The following ENPP3 variants were observed in gnomAD, a reference collection of about 807,000 sequenced individuals.
ENPP3 encodes ectonucleotide pyrophosphatase/phosphodiesterase 3.
In ENPP3, 104 loss-of-function variants were observed where a neutral mutation model predicts 117.8. That is an observed-to-expected ratio of 0.88 (90% CI 0.75 to 1.04). ENPP3 has a LOEUF of 1.04. ENPP3 is among the 50% of genes least tolerant of loss of function. ENPP3 has a pLI of 0.00. For synonymous variants in ENPP3, 380 were observed against 349.9 expected (o/e 1.09, Z -0.96); for missense variants, 1,026 against 1,051.9 (o/e 0.98, Z 0.34).
At position 131,652,900 on chromosome 6, in the gene ENPP3, G is replaced by A; in HGVS notation, c.464+9G>A. ...TCTCAGTGCCCAGAAGGGTGAGCAT[G>A]ACTGATACAGGGATTTTTATCCTCC... On this transcript the variant is annotated intron_variant, in intron 5 of 24. Coordinates refer to ENST00000357639, the MANE Select transcript of ENPP3 (RefSeq NM_005021.5). The A allele has an allele frequency of 6.3e-7, 1 of 1,593,710 alleles. No homozygotes were observed. Among genetic ancestry groups the A allele is most frequent in the Non-Finnish European group, 8.6e-7 (1 of 1,161,984 alleles).
chr6:131,652,540 A>T lies in ENPP3; in HGVS notation c.278-2A>T. 3.1e-6 allele frequency: 5 copies of T among 1,613,998 alleles called. No individual in the cohort carries two copies. Among genetic ancestry groups the T allele is most frequent in the Non-Finnish European group, 2.5e-6 (3 of 1,179,866 alleles). On this transcript the variant is annotated splice_acceptor_variant, in intron 3 of 24. Transcript: ENST00000357639. LOFTEE classifies it high-confidence loss of function. The stretch of plus-strand genomic sequence containing the variant: ...TCAGAACTGAATTGTATCGTTTTAC[A>T]GCTCGAATATGGATGTGCAATAAAT...
At chr6:131,716,743 T>C (rs80104345) in intron 15 of ENPP3, among the ~76,000 whole-genome samples, 2 of 39,622 alleles carry the variant, frequency 5.0e-5, no homozygotes, top group African/African-American at 2.7e-4. Context: ...CTGAGATGGG[T>C]GGAACACTTG....
At chr6:131,641,603 A>G (rs1280847955) in intron 2 of ENPP3, 73 bp downstream of exon 2, 4 of 951,092 alleles carry the variant, frequency 4.2e-6, no homozygotes, top group Middle Eastern at 2.1e-4. Context: ...ATTAAAATGT[A>G]TCTCCCATCC....
intron 6 of ENPP3, among the ~76,000 whole-genome samples, chr6:131,662,354 C>G (rs1778521422): frequency 6.6e-6 from 1 of 152,172 alleles, no homozygotes; most frequent in South Asian, 2.1e-4. Context: ...AAGCAATCCC[C>G]TCAGCCTCCT....
intron 19 of ENPP3, among the ~76,000 whole-genome samples, chr6:131,724,438 G>A (rs563120232): frequency 6.6e-6 from 1 of 152,198 alleles, no homozygotes; most frequent in East Asian, 1.9e-4. Flanking sequence ...AAATCACTTA[G>A]CCTCCCTGTG....
At chr6:131,668,584 C>T (rs1778672844) in intron 6 of ENPP3, among the ~76,000 whole-genome samples, 1 of 152,144 alleles carries the variant, frequency 6.6e-6, no homozygotes, top group Non-Finnish European at 1.5e-5. Context: ...TTTGCTGCTT[C>T]TTATAGTTCC....
At chr6:131,714,019 A>G (rs2114508352) in intron 15 of ENPP3, among the ~76,000 whole-genome samples, 1 of 149,528 alleles carries the variant, frequency 6.7e-6, no homozygotes, top group South Asian at 2.2e-4. Context: ...CCATGCTTAG[A>G]ACACTAACAT....
At chr6:131,744,408 T>C (rs929369972) in intron 24 of ENPP3, among the ~76,000 whole-genome samples, 1 of 152,186 alleles carries the variant, frequency 6.6e-6, no homozygotes. Flanking sequence ...GATTAAATCA[T>C]TGGTGTGAAA....
chr6:131,738,131 T>C lies in ENPP3; in HGVS notation c.2268T>C (p.Asp756=), dbSNP rs139233673. The C allele has an allele frequency of 3.1e-4, 498 of 1,611,300 alleles. 1 individual carries two copies. The African/African-American group carries it at 6.0e-3, about 19-fold the overall frequency. The change falls in exon 23 of 25, where the codon GAT becomes GAC. Residue 756 remains aspartate (D), a synonymous_variant. Coordinates refer to ENST00000357639, the MANE Select transcript of ENPP3 (RefSeq NM_005021.5). The part of the protein sequence containing the change: ...VSGPIFDYNY[D]GHFDAPDEIT... ...GACCAATATTTGATTATAATTATGA[T>C]GGCCATTTTGATGCTCCAGATGAAA...
rs1184338410 is a variant in ENPP3 at position 131,733,583 on chromosome 6, A to G, written c.1954-5A>G. The G allele has an allele frequency of 5.6e-6, 9 of 1,609,762 alleles. No individual in the cohort carries two copies. Among genetic ancestry groups the G allele is most frequent in the Non-Finnish European group, 7.6e-6 (9 of 1,176,988 alleles). ...CGTAATTTTTTTCTCTCTCTCTTTG[A>G]ACAGGGAGACACATCGCCTCTGCCT... On this transcript the variant is annotated splice_region_variant and splice_polypyrimidine_tract_variant and intron_variant, in intron 20 of 24. Coordinates refer to ENST00000357639, the MANE Select transcript of ENPP3 (RefSeq NM_005021.5).
chr6:131,737,956 A>T, intron 22 of ENPP3, 75 bp from the exon 23 acceptor site: 1 of 1,022,572 alleles, frequency 9.8e-7, no homozygotes, highest in Non-Finnish European at 1.4e-6. Context: ...ATTTAAATGT[A>T]CTTGTCTATA....
intron 19 of ENPP3, 23 bp from the exon 20 acceptor site, chr6:131,726,022 TA>T (rs773626678): frequency 6.4e-7 from 1 of 1,573,106 alleles, no homozygotes; most frequent in East Asian, 2.2e-5. Flanking sequence ...TGAACCTTTT[TA>T]TTTTATGTTA....
At chr6:131,720,760 T>C (rs954074312) in intron 17 of ENPP3, among the ~76,000 whole-genome samples, 1 of 152,036 alleles carries the variant, frequency 6.6e-6, no homozygotes, top group Non-Finnish European at 1.5e-5. Context: ...TTTTTTTGTA[T>C]TTTTTGTAGA....
intron 6 of ENPP3, among the ~76,000 whole-genome samples, chr6:131,659,328 A>T (rs949309282): frequency 6.6e-6 from 1 of 152,138 alleles, no homozygotes; most frequent in Non-Finnish European, 1.5e-5. Flanking sequence ...ACCCAAGGAT[A>T]CAATGCTAAG....
chr6:131,703,837 T>C (rs1398190141), intron 15 of ENPP3, among the ~76,000 whole-genome samples: 2 of 150,584 alleles, frequency 1.3e-5, no homozygotes, highest in African/African-American at 2.5e-5. Context: ...CTTCCAATTA[T>C]CATGAGAGCT....
At chr6:131,710,685 A>T (rs201559164) in intron 15 of ENPP3, 2 of 1,611,520 alleles carry the variant, frequency 1.2e-6, no homozygotes, top group Non-Finnish European at 1.7e-6. Flanking sequence ...CATCCTCTAA[A>T]GATGACTCTA....
intron 14 of ENPP3, among the ~76,000 whole-genome samples, chr6:131,690,008 A>T (rs1227936963): frequency 6.6e-6 from 1 of 152,224 alleles, no homozygotes; most frequent in Non-Finnish European, 1.5e-5. Flanking sequence ...CTGCAATCTC[A>T]TGAGAAAACT....
intron 19 of ENPP3, among the ~76,000 whole-genome samples, chr6:131,725,659 T>A (rs1780139920): frequency 6.6e-6 from 1 of 152,192 alleles, no homozygotes; most frequent in South Asian, 2.1e-4. Context: ...CTAGACTAGG[T>A]CATCTTTGTT....
chr6:131,722,175 G>A (rs1005598777), intron 17 of ENPP3, 52 bp from the exon 18 acceptor site: 1 of 1,313,628 alleles, frequency 7.6e-7, no homozygotes, highest in African/African-American at 1.5e-5. Flanking sequence ...CCACAGAGGA[G>A]TTGTTGCTTT....
Sources: allele counts gnomAD v4.1 joint callset (sites outside exome capture counted in the v4.1 genomes callset), GRCh38; gene constraint gnomAD v4.1.1; transcripts MANE v1.5; gene names NCBI Gene and HGNC (gene_info 2026-07-23, HGNC 2026-07-21).